EYA2: variants seen among roughly 807,000 people sequenced by gnomAD.
EYA2 encodes protein phosphatase EYA2.
In EYA2, 31 loss-of-function variants were observed where a neutral mutation model predicts 69.2. The ratio of observed to expected loss-of-function variants is 0.45; its 90% CI spans 0.34 to 0.60. EYA2 has a LOEUF of 0.60. Ranked by LOEUF, EYA2 falls within the 20% of genes least tolerant of loss-of-function variation. The pLI is 0.02. For missense variants in EYA2, 622 were observed against 701.2 expected, an observed-to-expected ratio of 0.89 and a Z score of 1.28; for synonymous variants, 257 against 279.4, an observed-to-expected ratio of 0.92 and a Z score of 0.80.
intron 5 of EYA2, among the ~76,000 whole-genome samples, chr20:47,027,041 G>T (rs1413819542): frequency 6.6e-6 from 1 of 152,178 alleles, no homozygotes; most frequent in African/African-American, 2.4e-5. Flanking sequence ...GAGATGTCTA[G>T]ATGGGGCAAA....
chr20:47,011,719 C>G (rs1472412202), intron 4 of EYA2, among the ~76,000 whole-genome samples: 1 of 152,168 alleles, frequency 6.6e-6, no homozygotes, highest in African/African-American at 2.4e-5. Flanking sequence ...CCTCCTCCTC[C>G]AAGGGACCTT....
At position 46,980,338 on chromosome 20, in the gene EYA2, G is replaced by A. The variant is rs1347454919; in HGVS notation, c.-10-9663G>A. Reference sequence around the variant, plus strand: ...AGCAATATAATTAGGGCCAGGTTAAGACCTTTAGCAGCCTCAAACACCAGA... The same window carrying A: ...AGCAATATAATTAGGGCCAGGTTAAAACCTTTAGCAGCCTCAAACACCAGA... On this transcript the variant is annotated intron_variant, in intron 1 of 15. Coordinates refer to ENST00000327619, the MANE Select transcript of EYA2 (RefSeq NM_005244.5). 3.3e-5 allele frequency among the ~76,000 whole-genome samples: 5 copies of A among 152,178 alleles called. No homozygotes were observed. In the East Asian group the frequency reaches 9.6e-4, roughly 29 times the overall value.
chr20:46,979,019 T>C (rs1296869404), intron 1 of EYA2, among the ~76,000 whole-genome samples: 1 of 152,240 alleles, frequency 6.6e-6, no homozygotes, highest in African/African-American at 2.4e-5. Context: ...AAGCCTGTGA[T>C]TGAAGTCAGC....
chr20:46,938,220 A>G (rs1291565733), intron 1 of EYA2, among the ~76,000 whole-genome samples: 2 of 152,186 alleles, frequency 1.3e-5, no homozygotes, highest in Admixed American at 6.5e-5. Flanking sequence ...TATTTGTGCC[A>G]TTGACGTAGT....
At chr20:46,917,998 T>A (rs1462695041) in intron 1 of EYA2, among the ~76,000 whole-genome samples, 1 of 152,178 alleles carries the variant, frequency 6.6e-6, no homozygotes, top group African/African-American at 2.4e-5. Flanking sequence ...TATAGCATTT[T>A]ACCCAAAGCA....
chr20:47,086,233 C>T (rs1347240773), intron 7 of EYA2, among the ~76,000 whole-genome samples: 2 of 152,134 alleles, frequency 1.3e-5, no homozygotes, highest in Non-Finnish European at 1.5e-5. Flanking sequence ...TTCCTGTAAT[C>T]CCAGCACTTT....
chr20:46,948,568 G>A (rs529539022), intron 1 of EYA2, among the ~76,000 whole-genome samples: 102 of 152,246 alleles, frequency 6.7e-4, no homozygotes, highest in African/African-American at 2.4e-3. Context: ...CCCAGTACAG[G>A]GTTAGTGCTG....
At chr20:47,048,405 G>T (rs2030156588) in intron 5 of EYA2, among the ~76,000 whole-genome samples, 1 of 152,114 alleles carries the variant, frequency 6.6e-6, no homozygotes, top group South Asian at 2.1e-4. Context: ...CCCAAAATCT[G>T]GGTTTTCATG....
chr20:47,015,317 C>G (rs6012095), intron 4 of EYA2, among the ~76,000 whole-genome samples: 11 of 152,172 alleles, frequency 7.2e-5, no homozygotes, highest in African/African-American at 2.4e-4. Flanking sequence ...AACACAGTCC[C>G]TTTCTCAGCC....
chr20:47,015,893 G>T (rs370908032), intron 4 of EYA2, among the ~76,000 whole-genome samples: 5 of 152,238 alleles, frequency 3.3e-5, no homozygotes, highest in African/African-American at 9.6e-5. Context: ...TGCAGACATG[G>T]TGTTACTAGA....
chr20:47,057,792 G>A (rs868170162), intron 5 of EYA2, among the ~76,000 whole-genome samples: 13 of 149,532 alleles, frequency 8.7e-5, no homozygotes, highest in Middle Eastern at 3.5e-3. Context: ...TTCACTGTAG[G>A]TTGGCCCAAA....
intron 5 of EYA2, among the ~76,000 whole-genome samples, chr20:47,032,570 T>C (rs1430797681): frequency 3.3e-5 from 5 of 152,226 alleles, no homozygotes; most frequent in Non-Finnish European, 7.3e-5. Context: ...TTTTATATTT[T>C]TCGCCAATTA....
intron 1 of EYA2, among the ~76,000 whole-genome samples, chr20:46,919,777 C>T (rs1985096115): frequency 6.6e-6 from 1 of 152,230 alleles, no homozygotes; most frequent in African/African-American, 2.4e-5. Flanking sequence ...TGCAAGAGGC[C>T]TAGCTTTCAT....
chr20:47,042,110 A>G (rs1425914716), intron 5 of EYA2, among the ~76,000 whole-genome samples: 1 of 152,254 alleles, frequency 6.6e-6, no homozygotes, highest in Non-Finnish European at 1.5e-5. Flanking sequence ...TAACCCAGGA[A>G]TAATTAATAC....
chr20:46,952,175 G>C (rs531241990), intron 1 of EYA2, among the ~76,000 whole-genome samples: 29 of 152,174 alleles, frequency 1.9e-4, no homozygotes, highest in Non-Finnish European at 3.4e-4. Flanking sequence ...CTTAAGGTAG[G>C]GTGGTCAGGG....
chr20:46,895,737 A>G (rs1354187591), intron 1 of EYA2, among the ~76,000 whole-genome samples: 1 of 152,216 alleles, frequency 6.6e-6, no homozygotes, highest in Non-Finnish European at 1.5e-5. Context: ...GGCTCCTTCA[A>G]TATATTCCTG....
At chr20:46,914,087 T>C (rs1426576472) in intron 1 of EYA2, among the ~76,000 whole-genome samples, 11 of 152,168 alleles carry the variant, frequency 7.2e-5, no homozygotes, top group Admixed American at 7.2e-4. Flanking sequence ...AGGAGAACTC[T>C]GCAGAAGAAA....
At chr20:46,949,893 C>T (rs1215378778) in intron 1 of EYA2, among the ~76,000 whole-genome samples, 1 of 152,240 alleles carries the variant, frequency 6.6e-6, no homozygotes, top group Non-Finnish European at 1.5e-5. Context: ...CAGTTCTGCA[C>T]CTGCAACTGC....
chr20:47,164,524 G>A (rs1600760395), intron 10 of EYA2, among the ~76,000 whole-genome samples: 1 of 152,144 alleles, frequency 6.6e-6, no homozygotes, highest in Non-Finnish European at 1.5e-5. Context: ...TGAGCTGGGG[G>A]CTATCTGCTG....
Sources: allele counts gnomAD v4.1 joint callset (sites outside exome capture counted in the v4.1 genomes callset), GRCh38; gene constraint gnomAD v4.1.1; transcripts MANE v1.5; gene names NCBI Gene and HGNC (gene_info 2026-07-23, HGNC 2026-07-21).